The following FGF14 variants were observed in gnomAD, a reference collection of about 807,000 sequenced individuals.
The protein encoded by FGF14 is fibroblast growth factor 14.
A neutral mutation model predicts 25.5 loss-of-function variants in FGF14; 5 were observed. The observed-to-expected ratio is 0.20, with a 90% CI of 0.10 to 0.41. The LOEUF is 0.41. Ranked by LOEUF, FGF14 falls within the 10% of genes least tolerant of loss-of-function variation. FGF14 has a pLI of 1.00. For synonymous variants in FGF14, 138 were observed against 118.3 expected (o/e 1.17, Z -1.08); for missense variants, 222 against 320.1 (o/e 0.69, Z 2.34).
chr13:102,251,981 A>G, intron 1 of FGF14, among the ~76,000 whole-genome samples: 1 of 152,200 alleles, frequency 6.6e-6, no homozygotes, highest in Non-Finnish European at 1.5e-5. Context: ...CCACAAATGG[A>G]TAAAATTAAT....
chr13:101,788,890 A>G lies in FGF14; in HGVS notation c.409-62080T>C. ...TTTTTGACTATATATATATATATAT[A>G]TATATATATATATATATATAGAGAG... is the stretch of plus-strand genomic sequence containing the variant. On this transcript the variant is annotated intron_variant, in intron 3 of 4. Coordinates refer to ENST00000376143, the MANE Select transcript of FGF14 (RefSeq NM_004115.4). Among the ~76,000 whole-genome samples the G allele has an allele frequency of 4.3e-5, 2 of 46,354 alleles. 1 individual carries two copies. The highest frequency in any genetic ancestry group is 2.2e-3 in the South Asian group (2 of 908). The allele number at this position is 46,354 out of a possible 152,430, so 30.4% of individuals were successfully genotyped here. A position where few individuals can be genotyped will look rare whatever the true frequency, so the allele number is the denominator to read the frequency against.
chr13:102,031,674 A>C (rs547853852), intron 1 of FGF14, among the ~76,000 whole-genome samples: 1 of 152,166 alleles, frequency 6.6e-6, no homozygotes, highest in East Asian at 1.9e-4. Flanking sequence ...CAGCAAAAAA[A>C]AAAAAGCATA....
At chr13:102,312,493 C>T (rs2055822549) in intron 1 of FGF14, among the ~76,000 whole-genome samples, 1 of 152,124 alleles carries the variant, frequency 6.6e-6, no homozygotes, top group African/African-American at 2.4e-5. Context: ...AGGACTGATA[C>T]TTGGGCCAAG....
intron 3 of FGF14, among the ~76,000 whole-genome samples, chr13:101,856,224 T>G (rs2044118617): frequency 1.3e-5 from 2 of 151,852 alleles, no homozygotes; most frequent in Non-Finnish European, 2.9e-5. Context: ...CCTCTCTAGG[T>G]AAAAATTGTC....
intron 1 of FGF14, among the ~76,000 whole-genome samples, chr13:102,370,506 C>T (rs2057847197): frequency 6.6e-6 from 1 of 152,074 alleles, no homozygotes; most frequent in South Asian, 2.1e-4. Context: ...CCACCTCGGC[C>T]TCCTGAGTAG....
intron 1 of FGF14, among the ~76,000 whole-genome samples, chr13:102,056,888 T>C (rs1429487049): frequency 6.6e-6 from 1 of 150,864 alleles, no homozygotes; most frequent in East Asian, 1.9e-4. Context: ...TTTATTGCAA[T>C]AGGTAATTTT....
chr13:102,225,805 G>A (rs1336696), intron 1 of FGF14, among the ~76,000 whole-genome samples: 124,881 of 152,172 alleles, frequency 0.82, 51,865 homozygotes, highest in African/African-American at 0.95. Flanking sequence ...TTTAGGTAAT[G>A]AAGTAAATTA....
chr13:101,929,450 C>A (rs2034598174), intron 1 of FGF14, among the ~76,000 whole-genome samples: 1 of 152,198 alleles, frequency 6.6e-6, no homozygotes, highest in Admixed American at 6.5e-5. Context: ...TACAAAAAGC[C>A]TGTCAGTGAC....
At chr13:101,858,245 G>GA in intron 3 of FGF14, among the ~76,000 whole-genome samples, 1 of 149,854 alleles carries the variant, frequency 6.7e-6, no homozygotes. Flanking sequence ...AAAAAAAAAG[G>GA]AAAATAACTC....
Position 101,718,019 on chromosome 13 carries a change from T to C in FGF14, c.*4812A>G, listed in dbSNP as rs1203454190. 1.3e-5 allele frequency: 2 copies of C among 152,146 alleles called. No homozygotes were observed. The highest frequency in any genetic ancestry group is 4.8e-5 in the African/African-American group (2 of 41,450). The allele number at this position is 152,146 out of a possible 1,614,324, so 9.4% of individuals were successfully genotyped here. A position where few individuals can be genotyped will look rare whatever the true frequency, so the allele number is the denominator to read the frequency against. On this transcript the variant is annotated 3_prime_UTR_variant, in exon 5 of 5. Coordinates refer to ENST00000376143, the MANE Select transcript of FGF14 (RefSeq NM_004115.4). ...AATTTAGATATTGGAGAAATTATCA[T>C]ACCATAAAAAGTTCAAAATGTGATT...
chr13:102,320,816 A>G (rs1255552178), intron 1 of FGF14, among the ~76,000 whole-genome samples: 1 of 152,234 alleles, frequency 6.6e-6, no homozygotes, highest in Non-Finnish European at 1.5e-5. Flanking sequence ...AGGAGAATGG[A>G]TAGTGAATGT....
At chr13:101,855,691 A>AT (rs1312528128) in intron 3 of FGF14, among the ~76,000 whole-genome samples, 3 of 151,950 alleles carry the variant, frequency 2.0e-5, no homozygotes, top group Admixed American at 2.0e-4. Context: ...AGTCTGAGGG[A>AT]TTTTTAATTG....
chr13:101,912,052 C>T (rs369052706), intron 1 of FGF14, among the ~76,000 whole-genome samples: 132 of 149,530 alleles, frequency 8.8e-4, no homozygotes, highest in Middle Eastern at 3.5e-3. Flanking sequence ...TTTTCTGAGA[C>T]GGTAGACACT....
chr13:101,904,587 G>T (rs1402088815), intron 1 of FGF14, among the ~76,000 whole-genome samples: 3 of 152,140 alleles, frequency 2.0e-5, no homozygotes, highest in African/African-American at 7.2e-5. Flanking sequence ...TTCTGCTGGA[G>T]AATTCATTAT....
At chr13:102,389,225 T>A (rs1466106504) in intron 1 of FGF14, among the ~76,000 whole-genome samples, 2 of 152,162 alleles carry the variant, frequency 1.3e-5, no homozygotes, top group East Asian at 1.9e-4. Flanking sequence ...CAAACCTTTA[T>A]AGAATGTTTT....
In FGF14 at chr13:101,846,337, A is replaced by C. The variant is rs535047085; in HGVS notation, c.408+22388T>G. Among the ~76,000 whole-genome samples, 9 of 152,136 alleles carry C rather than the reference A, an allele frequency of 5.9e-5. No homozygotes were observed. The South Asian group carries it at 1.9e-3, about 32-fold the overall frequency. On this transcript the variant is annotated intron_variant, in intron 3 of 4. Transcript: ENST00000376143. Reference sequence around the variant, plus strand: ...AAAAAAAAAATCATCAGCCTTTATGAAACTCAGAAAACCAGAAAAATTTGT... The same window carrying C: ...AAAAAAAAAATCATCAGCCTTTATGCAACTCAGAAAACCAGAAAAATTTGT...
chr13:102,190,545 G>A (rs192426229), intron 1 of FGF14, among the ~76,000 whole-genome samples: 1 of 152,316 alleles, frequency 6.6e-6, no homozygotes, highest in African/African-American at 2.4e-5. Flanking sequence ...GAGTGAGAAT[G>A]TTGGCTTTGA....
intron 1 of FGF14, among the ~76,000 whole-genome samples, chr13:102,084,906 A>G (rs1040981822): frequency 1.3e-5 from 2 of 152,190 alleles, no homozygotes; most frequent in Admixed American, 6.5e-5. Context: ...CCAAACCCTT[A>G]TTAATACTGA....
intron 1 of FGF14, among the ~76,000 whole-genome samples, chr13:102,006,468 G>T (rs1269795533): frequency 6.6e-6 from 1 of 152,066 alleles, no homozygotes; most frequent in Non-Finnish European, 1.5e-5. Context: ...TTTTCAATCT[G>T]TTGTCATTAT....
Sources: allele counts gnomAD v4.1 joint callset (sites outside exome capture counted in the v4.1 genomes callset), GRCh38; gene constraint gnomAD v4.1.1; transcripts MANE v1.5; gene names NCBI Gene and HGNC (gene_info 2026-07-23, HGNC 2026-07-21).